Variants in CSRNP3 observed in about 807,000 individuals in gnomAD.
CSRNP3 encodes the protein cysteine/serine-rich nuclear protein 3.
A neutral mutation model predicts 48.0 loss-of-function variants in CSRNP3; 12 were observed. The observed-to-expected ratio is 0.25, with a 90% CI of 0.16 to 0.41. CSRNP3 has a LOEUF of 0.41. CSRNP3 is among the 10% of genes least tolerant of loss of function. The probability of loss-of-function intolerance (pLI) is 1.00; values close to 1 mark genes in which losing one functional copy is unlikely to be tolerated. For synonymous variants in CSRNP3, 263 were observed against 269.7 expected, an observed-to-expected ratio of 0.98 and a Z score of 0.24; for missense variants, 580 against 724.4, an observed-to-expected ratio of 0.80 and a Z score of 2.29.
At chr2:165,528,080 A>C (rs1286772391) in intron 3 of CSRNP3, among the ~76,000 whole-genome samples, 1 of 152,202 alleles carries the variant, frequency 6.6e-6, no homozygotes, top group Non-Finnish European at 1.5e-5. Context: ...TTATGTCTAT[A>C]AATTAGCAAA....
chr2:165,646,873 T>G (rs1300889724), intron 4 of CSRNP3, among the ~76,000 whole-genome samples: 1 of 152,228 alleles, frequency 6.6e-6, no homozygotes, highest in Non-Finnish European at 1.5e-5. Flanking sequence ...GAAGATGTTA[T>G]TCATATTGAG....
intron 4 of CSRNP3, among the ~76,000 whole-genome samples, chr2:165,614,090 A>T (rs1686188696): frequency 6.6e-6 from 1 of 151,954 alleles, no homozygotes; most frequent in African/African-American, 2.4e-5. Flanking sequence ...CATTTCTTCA[A>T]TGTCTTTTCA....
chr2:165,595,363 G>T, intron 4 of CSRNP3, 150 bp downstream of exon 4: 1 of 688,828 alleles, frequency 1.5e-6, no homozygotes, highest in South Asian at 2.4e-5. Flanking sequence ...AATATTTTTC[G>T]GGTGACTCAG....
intron 5 of CSRNP3, among the ~76,000 whole-genome samples, chr2:165,659,249 ATATTAGACTGATG>A (rs1687059638): frequency 1.3e-5 from 2 of 152,176 alleles, no homozygotes; most frequent in Non-Finnish European, 2.9e-5. Flanking sequence ...ACAGTAGGTT[ATATTAGACTGATG>A]ATGGTAGGGG....
At chr2:165,520,782 ATT>A (rs1491362940) in intron 3 of CSRNP3, among the ~76,000 whole-genome samples, 1 of 9,796 alleles carries the variant, frequency 1.0e-4, no homozygotes, top group Non-Finnish European at 1.7e-4. Context: ...ATATATATAT[ATT>A]ATATATATAT....
chr2:165,502,700 C>A (rs1484290177), intron 2 of CSRNP3, among the ~76,000 whole-genome samples: 3 of 151,846 alleles, frequency 2.0e-5, no homozygotes, highest in Non-Finnish European at 2.9e-5. Flanking sequence ...TGTCTTCTGT[C>A]TGTCTAAATC....
intron 3 of CSRNP3, among the ~76,000 whole-genome samples, chr2:165,539,266 G>A (rs564687191): frequency 3.3e-5 from 5 of 151,920 alleles, no homozygotes; most frequent in Non-Finnish European, 5.9e-5. Flanking sequence ...AATATGCCTC[G>A]TCTGATAGGG....
chr2:165,553,057 T>C (rs1385759074), intron 3 of CSRNP3, among the ~76,000 whole-genome samples: 5 of 152,198 alleles, frequency 3.3e-5, no homozygotes, highest in Non-Finnish European at 7.3e-5. Context: ...GGTAGTTTTG[T>C]GATTATGTTC....
intron 3 of CSRNP3, among the ~76,000 whole-genome samples, chr2:165,551,478 A>G (rs973163106): frequency 3.3e-5 from 5 of 152,148 alleles, no homozygotes; most frequent in African/African-American, 4.8e-5. Flanking sequence ...ACAAGTGGAG[A>G]TGGAGAAATT....
intron 5 of CSRNP3, 62 bp downstream of exon 5, chr2:165,658,082 C>A: frequency 1.9e-6 from 3 of 1,540,420 alleles, no homozygotes; most frequent in Non-Finnish European, 2.6e-6. Context: ...ATTGAGTTAA[C>A]CATTTTCATA....
intron 2 of CSRNP3, among the ~76,000 whole-genome samples, chr2:165,515,280 C>G (rs1574814860): frequency 6.7e-6 from 1 of 150,192 alleles, no homozygotes; most frequent in African/African-American, 2.5e-5. Flanking sequence ...GCCAGTTGCA[C>G]CAGTGCACTC....
intron 4 of CSRNP3, among the ~76,000 whole-genome samples, chr2:165,613,942 C>T (rs1686182623): frequency 6.6e-6 from 1 of 151,392 alleles, no homozygotes. Flanking sequence ...TGAAGAATGT[C>T]ATTGGTGTTT....
intron 3 of CSRNP3, among the ~76,000 whole-genome samples, chr2:165,537,846 A>G (rs562692563): frequency 5.3e-5 from 8 of 151,942 alleles, no homozygotes; most frequent in Non-Finnish European, 1.2e-4. Context: ...TAGATTTACC[A>G]CTTGCCTTCC....
intron 4 of CSRNP3, among the ~76,000 whole-genome samples, chr2:165,598,431 A>C (rs1685846910): frequency 6.6e-6 from 1 of 152,192 alleles, no homozygotes; most frequent in East Asian, 1.9e-4. Flanking sequence ...ATGAATTTTT[A>C]TATTTATTAA....
intron 4 of CSRNP3, among the ~76,000 whole-genome samples, chr2:165,632,879 T>C (rs74794422): frequency 0.019 from 2,922 of 152,314 alleles, 86 homozygotes; most frequent in African/African-American, 0.065. Flanking sequence ...AGAAATCCGT[T>C]ATATCATTTC....
intron 3 of CSRNP3, among the ~76,000 whole-genome samples, chr2:165,540,449 T>A (rs2105251678): frequency 6.6e-6 from 1 of 152,224 alleles, no homozygotes; most frequent in African/African-American, 2.4e-5. Context: ...TTTAAAATTA[T>A]CTTAATTCTA....
At chr2:165,603,085 C>T (rs909846878) in intron 4 of CSRNP3, among the ~76,000 whole-genome samples, 13 of 151,698 alleles carry the variant, frequency 8.6e-5, no homozygotes, top group African/African-American at 2.9e-4. Context: ...TTAGTAGAGA[C>T]GGGGCTTCAC....
At chr2:165,666,158 AAGAGAG>A (rs142924898) in intron 5 of CSRNP3, among the ~76,000 whole-genome samples, 3 of 112,064 alleles carry the variant, frequency 2.7e-5, no homozygotes, top group Non-Finnish European at 5.7e-5. Flanking sequence ...GAGAGGAAGA[AAGAGAG>A]AGAGAGAAAG....
At chr2:165,491,950 TAAAAAA>T (rs560385044) in intron 1 of CSRNP3, among the ~76,000 whole-genome samples, 1 of 104,598 alleles carries the variant, frequency 9.6e-6, no homozygotes, top group African/African-American at 3.5e-5. Context: ...TAAAGTATAA[TAAAAAA>T]AAAAAAAAAA....
Sources: gnomAD v4.1 joint callset for allele counts (sites outside exome capture counted in the v4.1 genomes callset) on GRCh38, gnomAD v4.1.1 for gene constraint, MANE v1.5 for transcripts, NCBI Gene and HGNC (gene_info 2026-07-23, HGNC 2026-07-21) for gene names.